The following ELAPOR1 variants were observed in gnomAD, a reference collection of about 807,000 sequenced individuals.
ELAPOR1 encodes endosome-lysosome associated apoptosis and autophagy regulator 1, also known as endosome/lysosome-associated apoptosis and autophagy regulator 1.
A neutral mutation model predicts 119.7 loss-of-function variants in ELAPOR1; 77 were observed. The ratio of observed to expected loss-of-function variants is 0.64; its 90% CI spans 0.54 to 0.78. ELAPOR1 has a LOEUF of 0.78. ELAPOR1 is among the 30% of genes least tolerant of loss of function. The pLI is 0.00. For synonymous variants in ELAPOR1, 481 were observed against 487.2 expected (o/e 0.99, Z 0.17); for missense variants, 1,115 against 1,270.4 (o/e 0.88, Z 1.86).
At chr1:109,121,773 CTTT>C (rs10714498) in intron 1 of ELAPOR1, among the ~76,000 whole-genome samples, 15 of 134,244 alleles carry the variant, frequency 1.1e-4, no homozygotes, top group Non-Finnish European at 1.1e-4. Flanking sequence ...CTGTGTATTA[CTTT>C]TTTTTTTTTT....
chr1:109,151,620 G>A (rs996116506), intron 1 of ELAPOR1, among the ~76,000 whole-genome samples: 4 of 152,186 alleles, frequency 2.6e-5, no homozygotes, highest in Non-Finnish European at 5.9e-5. Flanking sequence ...GGTTTTCCAT[G>A]TTCCTATGCT....
chr1:109,182,803 C>T (rs1652775644), intron 7 of ELAPOR1, among the ~76,000 whole-genome samples: 1 of 148,816 alleles, frequency 6.7e-6, no homozygotes, highest in Non-Finnish European at 1.5e-5. Context: ...GGAGGCGGAG[C>T]TTGCAGTGAG....
intron 1 of ELAPOR1, among the ~76,000 whole-genome samples, chr1:109,161,119 C>T (rs1651219452): frequency 6.6e-6 from 1 of 152,056 alleles, no homozygotes; most frequent in African/African-American, 2.4e-5. Context: ...ATAAGAAACA[C>T]AGGGAAATAG....
intron 1 of ELAPOR1, among the ~76,000 whole-genome samples, chr1:109,154,891 G>A (rs1650771584): frequency 6.6e-6 from 1 of 152,214 alleles, no homozygotes; most frequent in Non-Finnish European, 1.5e-5. Context: ...TCAGATCGGA[G>A]TTAGAGATGT....
Position 109,199,919 on chromosome 1 carries a change from G to T in ELAPOR1, c.2567G>T (p.Cys856Phe). ...FHFLWESAAACPLCSVADYHA... is the reference protein window; with the variant it reads ...FHFLWESAAAFPLCSVADYHA... ...TTCCTGTGGGAGAGCGCGGCTGCTT[G>T]CCCGCTCTGCTCAGTGGCTGACTAC... is the stretch of plus-strand genomic sequence containing the variant. Residue 856 changes from cysteine (C) to phenylalanine (F), a missense_variant, in exon 19 of 22, where the codon TGC (cysteine) becomes TTC (phenylalanine). By Grantham distance (205) the Cys-to-Phe change is radical (BLOSUM62 -2). Coordinates refer to ENST00000369939, the MANE Select transcript of ELAPOR1 (RefSeq NM_020775.5). 6.2e-7 allele frequency: 1 copy of T among 1,613,918 alleles called. No homozygotes were observed. Among genetic ancestry groups the T allele is most frequent in the Admixed American group, 1.7e-5 (1 of 60,022 alleles).
Position 109,198,606 on chromosome 1 carries a change from G to C in ELAPOR1, c.2433G>C (p.Gly811=), listed in dbSNP as rs771854102. The C allele has an allele frequency of 4.3e-6, 7 of 1,613,822 alleles. No individual in the cohort carries two copies. The highest frequency in any genetic ancestry group is 5.1e-6 in the Non-Finnish European group (6 of 1,179,950). The change falls in exon 18 of 22, where the codon GGG becomes GGC. Residue 811 remains glycine (G), a synonymous_variant. Transcript: ENST00000369939. ...SNDVTQSCSS[G]RSTTIRVRCS... Reference sequence around the variant, plus strand: ...ATGTGACCCAGTCCTGCAGTTCTGGGAGATCAACCACCATCCGCGTCAGGT... The same window carrying C: ...ATGTGACCCAGTCCTGCAGTTCTGGCAGATCAACCACCATCCGCGTCAGGT...
intron 3 of ELAPOR1, among the ~76,000 whole-genome samples, chr1:109,166,881 C>A (rs1017226185): frequency 2.3e-4 from 35 of 152,190 alleles, no homozygotes; most frequent in African/African-American, 8.4e-4. Context: ...AAGAAGGACT[C>A]AAGAATTGTA....
intron 1 of ELAPOR1, among the ~76,000 whole-genome samples, chr1:109,126,670 C>A (rs191149997): frequency 1.4e-3 from 212 of 152,188 alleles, no homozygotes; most frequent in Non-Finnish European, 2.0e-3. Flanking sequence ...GGAGTTTTTT[C>A]ATGTCACCCA....
intron 15 of ELAPOR1, among the ~76,000 whole-genome samples, chr1:109,196,565 T>G (rs1328952598): frequency 6.6e-6 from 1 of 151,904 alleles, no homozygotes; most frequent in East Asian, 1.9e-4. Flanking sequence ...ACACGATAGA[T>G]CCTTAGTTCA....
At chr1:109,174,753 T>C (rs1652159550) in intron 7 of ELAPOR1, among the ~76,000 whole-genome samples, 1 of 151,892 alleles carries the variant, frequency 6.6e-6, no homozygotes, top group Non-Finnish European at 1.5e-5. Flanking sequence ...TCTTTCTCTG[T>C]CGCCCAGGCT....
intron 1 of ELAPOR1, among the ~76,000 whole-genome samples, chr1:109,129,549 G>T (rs116016965): frequency 1.3e-5 from 2 of 152,212 alleles, no homozygotes; most frequent in Non-Finnish European, 2.9e-5. Flanking sequence ...AAAAACACAC[G>T]CAAAAAACCC....
chr1:109,147,892 C>T (rs1431461234), intron 1 of ELAPOR1, among the ~76,000 whole-genome samples: 1 of 151,568 alleles, frequency 6.6e-6, no homozygotes, highest in African/African-American at 2.4e-5. Flanking sequence ...TTCAGTGGCA[C>T]CATCTCGTCT....
At chr1:109,119,436 G>A (rs1399019289) in intron 1 of ELAPOR1, among the ~76,000 whole-genome samples, 4 of 150,812 alleles carry the variant, frequency 2.7e-5, no homozygotes, top group African/African-American at 9.8e-5. Flanking sequence ...TGCCTGCCTC[G>A]GCCTCCCAAA....
At chr1:109,197,353 C>T (rs1330555837) in intron 15 of ELAPOR1, 121 bp from the exon 16 acceptor site, 5 of 807,332 alleles carry the variant, frequency 6.2e-6, no homozygotes, top group Non-Finnish European at 1.0e-5. Context: ...AATCATTCCC[C>T]TACAACATAC....
chr1:109,193,005 G>A, intron 14 of ELAPOR1, 131 bp downstream of exon 14: 1 of 1,003,564 alleles, frequency 1.0e-6, no homozygotes, highest in Non-Finnish European at 1.5e-6. Flanking sequence ...CTAGGTTGGA[G>A]TCCTGGAGGA....
intron 1 of ELAPOR1, among the ~76,000 whole-genome samples, chr1:109,139,478 G>T (rs1451526063): frequency 6.6e-6 from 1 of 152,062 alleles, no homozygotes; most frequent in Non-Finnish European, 1.5e-5. Context: ...TCTCTCTCTG[G>T]GACAACAAAA....
intron 1 of ELAPOR1, among the ~76,000 whole-genome samples, chr1:109,140,891 A>C (rs780014176): frequency 6.6e-6 from 1 of 152,158 alleles, no homozygotes; most frequent in African/African-American, 2.4e-5. Context: ...TGTCTCTGTC[A>C]CCCAGGCTGG....
intron 1 of ELAPOR1, among the ~76,000 whole-genome samples, chr1:109,154,945 C>T (rs538664715): frequency 3.3e-5 from 5 of 152,216 alleles, no homozygotes; most frequent in South Asian, 2.1e-4. Context: ...GACCCTGCTC[C>T]GGAGAAATGG....
chr1:109,139,565 C>T (rs1205939533), intron 1 of ELAPOR1, among the ~76,000 whole-genome samples: 2 of 151,724 alleles, frequency 1.3e-5, no homozygotes, highest in Non-Finnish European at 2.9e-5. Flanking sequence ...ATGAGGGGTT[C>T]CTTTAAATTA....
Sources: allele counts gnomAD v4.1 joint callset (sites outside exome capture counted in the v4.1 genomes callset), GRCh38; gene constraint gnomAD v4.1.1; transcripts MANE v1.5; gene names NCBI Gene and HGNC (gene_info 2026-07-23, HGNC 2026-07-21).